The following OTUB2 variants were observed in gnomAD, a reference collection of about 807,000 sequenced individuals.
OTUB2 encodes ubiquitin thioesterase OTUB2.
In OTUB2, 21 loss-of-function variants were observed where a neutral mutation model predicts 25.1. The observed-to-expected ratio is 0.84, with a 90% CI of 0.59 to 1.21. The LOEUF is 1.21. OTUB2 is among the 50% of genes most tolerant of loss of function. The pLI, the probability that OTUB2 is intolerant of heterozygous loss-of-function variation, is 0.00. For missense variants in OTUB2, 283 were observed against 298.0 expected (o/e 0.95, Z 0.37); for synonymous variants, 122 against 122.8 (o/e 0.99, Z 0.04).
rs779592730 is a variant in OTUB2 at position 94,045,708 on chromosome 14, C to G, written c.499-8C>G. ...TAAGCTGGCTTGTTTTCATTTTGGC[C>G]CCTGCAGGAAGTAGAGCCCATGGCC... is the stretch of plus-strand genomic sequence containing the variant. On this transcript the variant is annotated splice_region_variant and splice_polypyrimidine_tract_variant and intron_variant, in intron 5 of 5. Transcript: ENST00000203664. The G allele has an allele frequency of 6.8e-6, 11 of 1,613,518 alleles. No individual in the cohort carries two copies. In the South Asian group the frequency reaches 1.2e-4, roughly 18 times the overall value.
At chr14:94,042,072 G>A (rs1440829061) in intron 3 of OTUB2, among the ~76,000 whole-genome samples, 1 of 152,256 alleles carries the variant, frequency 6.6e-6, no homozygotes, top group Admixed American at 6.5e-5. Context: ...TGGAGCAAGC[G>A]TGTTGCAGCA....
chr14:94,043,355 A>G (rs920733362), intron 3 of OTUB2, among the ~76,000 whole-genome samples: 8 of 152,088 alleles, frequency 5.3e-5, no homozygotes, highest in African/African-American at 1.9e-4. Context: ...CCCTTCCTCC[A>G]TACCTCGTTG....
chr14:94,045,981 C>A lies in OTUB2; in HGVS notation c.*59C>A. 1 of 1,550,268 alleles carries A rather than the reference C, an allele frequency of 6.5e-7. No homozygotes were observed. Among genetic ancestry groups the A allele is most frequent in the Non-Finnish European group, 8.9e-7 (1 of 1,127,902 alleles). On this transcript the variant is annotated 3_prime_UTR_variant, in exon 6 of 6. Coordinates refer to ENST00000203664, the MANE Select transcript of OTUB2 (RefSeq NM_023112.4). ...TAATGGGACTGCATTCTGAATGGAA[C>A]ATTCCGGCTCTTCAATTTTTTAAGC...
intron 3 of OTUB2, 184 bp downstream of exon 3, chr14:94,039,265 C>A: frequency 1.7e-6 from 1 of 599,958 alleles, no homozygotes; most frequent in Non-Finnish European, 2.9e-6. Context: ...TTGGGGGCAG[C>A]CAAGGGGTGG....
chr14:94,033,072 C>T (rs1884991434), intron 1 of OTUB2, among the ~76,000 whole-genome samples: 1 of 152,232 alleles, frequency 6.6e-6, no homozygotes, highest in South Asian at 2.1e-4. Context: ...CCACCACACC[C>T]GGCTCATTTT....
intron 4 of OTUB2, among the ~76,000 whole-genome samples, 162 bp downstream of exon 4, chr14:94,044,217 A>G (rs903515191): frequency 1.7e-4 from 26 of 152,126 alleles, no homozygotes; most frequent in South Asian, 1.2e-3. Context: ...CCCTCACCCT[A>G]TTCCCTCACC....
rs1885298051 is a variant in OTUB2, at chr14:94,047,322, T to G, written c.*1400T>G. Reference sequence around the variant, plus strand: ...GGGTAGCAGACTCCTCAGAGTCCTCTTGACACAAATGTCAGATTTGTGTCA... The same window carrying G: ...GGGTAGCAGACTCCTCAGAGTCCTCGTGACACAAATGTCAGATTTGTGTCA... On this transcript the variant is annotated 3_prime_UTR_variant, in exon 6 of 6. Transcript: ENST00000203664. 6.6e-6 allele frequency: 1 copy of G among 152,346 alleles called. No homozygotes were observed. The highest frequency in any genetic ancestry group is 1.5e-5 in the Non-Finnish European group (1 of 68,038). The allele number at this position is 152,346 out of a possible 1,614,324, so 9.4% of individuals were successfully genotyped here.
chr14:94,035,270 CTTTTTTTTTTCTTTTCTT>C (rs1885030613), intron 1 of OTUB2, among the ~76,000 whole-genome samples: 1 of 133,344 alleles, frequency 7.5e-6, no homozygotes, highest in South Asian at 2.5e-4. Flanking sequence ...TCATCCAGTT[CTTTTTTTTTTCTTTTCTT>C]TTTTTTTTTT....
intron 1 of OTUB2, among the ~76,000 whole-genome samples, chr14:94,029,545 G>A (rs2141406413): frequency 6.6e-6 from 1 of 152,240 alleles, no homozygotes; most frequent in Admixed American, 6.5e-5. Flanking sequence ...TTTTTATAAG[G>A]ACACCAGTCG....
Position 94,044,690 on chromosome 14 carries a change from C to G in OTUB2, c.408C>G (p.Arg136=). 1 of 1,614,208 alleles carries G rather than the reference C, an allele frequency of 6.2e-7. No homozygotes were observed. The highest frequency in any genetic ancestry group is 8.5e-7 in the Non-Finnish European group (1 of 1,180,040). The change falls in exon 5 of 6, where the codon CGC becomes CGG. Residue 136 remains arginine, a synonymous_variant. Coordinates refer to ENST00000203664, the MANE Select transcript of OTUB2 (RefSeq NM_023112.4). ...SASDHIVQFL[R]LLTSAFIRNR... ...CGGACCACATCGTGCAGTTCCTGCG[C>G]CTGCTCACGTCGGCCTTCATCAGGA...
Position 94,045,805 on chromosome 14 carries a change from G to A in OTUB2, c.588G>A (p.Val196=). The A allele has an allele frequency of 6.2e-7, 1 of 1,614,196 alleles. No homozygotes were observed. The highest frequency in any genetic ancestry group is 1.1e-5 in the South Asian group (1 of 91,084). ...GCATTGCCCTGCAAGTGGAGTACGT[G>A]GACGAGATGGATACCGCCCTGAACC... ...ALSIALQVEY[V]DEMDTALNHH... is the part of the protein sequence containing the mutation. The change falls in exon 6 of 6, where the codon GTG becomes GTA. Residue 196 remains valine (V), a synonymous_variant. Coordinates refer to ENST00000203664, the MANE Select transcript of OTUB2 (RefSeq NM_023112.4).
chr14:94,043,415 G>A (rs1885200616), intron 3 of OTUB2, among the ~76,000 whole-genome samples: 1 of 152,192 alleles, frequency 6.6e-6, no homozygotes, highest in Non-Finnish European at 1.5e-5. Context: ...GCCCAGGCCT[G>A]GGTTTCTTGC....
chr14:94,042,457 C>T (rs982047241), intron 3 of OTUB2, among the ~76,000 whole-genome samples: 3 of 119,398 alleles, frequency 2.5e-5, no homozygotes, highest in South Asian at 2.9e-4. Context: ...AAGTCACTGG[C>T]GAGGAATGAA....
rs370671914 is a variant in OTUB2, at chr14:94,037,435, G to A, written c.59G>A (p.Arg20Gln). ...SEKCDILSILRDHPENRIYRR... is the reference protein window; with the variant it reads ...SEKCDILSILQDHPENRIYRR... The stretch of plus-strand genomic sequence containing the variant: ...AAATGTGACATTCTATCCATTCTTC[G>A]GGACCATCCTGAAAACAGGATTTAC... Residue 20 changes from arginine to glutamine, a missense_variant, in exon 2 of 6, where the codon CGG (arginine) becomes CAG (glutamine). By Grantham distance (43) the Arg-to-Gln change is conservative (BLOSUM62 1). Coordinates refer to ENST00000203664, the MANE Select transcript of OTUB2 (RefSeq NM_023112.4). 31 of 1,606,608 alleles carry A rather than the reference G, an allele frequency of 1.9e-5. No homozygotes were observed. Among genetic ancestry groups the A allele is most frequent in the African/African-American group, 2.7e-5 (2 of 74,758 alleles).
At chr14:94,026,913 T>TCAG (rs1456338375) in intron 1 of OTUB2, among the ~76,000 whole-genome samples, 2 of 152,050 alleles carry the variant, frequency 1.3e-5, no homozygotes, top group Admixed American at 6.5e-5. Context: ...AGCCCCCCAG[T>TCAG]CAGCAGTCCA....
At chr14:94,038,329 G>A (rs955350421) in intron 2 of OTUB2, among the ~76,000 whole-genome samples, 3 of 152,198 alleles carry the variant, frequency 2.0e-5, no homozygotes, top group African/African-American at 7.2e-5. Context: ...TGAGCCAGGG[G>A]CTCCAGAGAG....
At chr14:94,038,234 G>A (rs979795228) in intron 2 of OTUB2, among the ~76,000 whole-genome samples, 4 of 152,246 alleles carry the variant, frequency 2.6e-5, no homozygotes, top group Admixed American at 6.5e-5. Context: ...CATGTGATCC[G>A]AACGCCGCTG....
intron 1 of OTUB2, among the ~76,000 whole-genome samples, chr14:94,028,510 C>T (rs1032924179): frequency 2.0e-5 from 3 of 152,240 alleles, no homozygotes; most frequent in Non-Finnish European, 2.9e-5. Flanking sequence ...GCAGGGACTG[C>T]AAATAGCTAG....
chr14:94,037,007 T>C (rs1479546891), intron 1 of OTUB2, among the ~76,000 whole-genome samples: 1 of 152,112 alleles, frequency 6.6e-6, no homozygotes, highest in Non-Finnish European at 1.5e-5. Context: ...AAAGAATGAA[T>C]GAACGAATGA....
Sources: allele counts gnomAD v4.1 joint callset (sites outside exome capture counted in the v4.1 genomes callset), GRCh38; gene constraint gnomAD v4.1.1; transcripts MANE v1.5; gene names NCBI Gene and HGNC (gene_info 2026-07-23, HGNC 2026-07-21).